PRDM16: variants seen among roughly 807,000 people sequenced by gnomAD.
PRDM16 encodes the protein histone-lysine N-methyltransferase PRDM16.
In PRDM16, 23 loss-of-function variants were observed where a neutral mutation model predicts 110.6. That is an observed-to-expected ratio of 0.21 (90% confidence interval 0.15 to 0.29). The LOEUF is 0.29. Ranked by LOEUF, PRDM16 falls within the 10% of genes least tolerant of loss-of-function variation. The pLI is 1.00. For missense variants in PRDM16, 1,615 were observed against 1,794.3 expected (o/e 0.90, Z 1.81); for synonymous variants, 799 against 781.8 (o/e 1.02, Z -0.37).
At position 3,206,830 on chromosome 1, in the gene PRDM16, G is replaced by C. The variant is rs1248225697; in HGVS notation, c.387+20356G>C. The C allele has an allele frequency of 6.6e-6, 1 of 152,330 alleles. No homozygotes were observed. Among genetic ancestry groups the C allele is most frequent in the Non-Finnish European group, 1.5e-5 (1 of 68,120 alleles). 9.4% of individuals were successfully genotyped at this position (152,330 alleles called of 1,614,324 possible). On this transcript the variant is annotated intron_variant, in intron 2 of 16. Coordinates refer to ENST00000270722, the MANE Select transcript of PRDM16 (RefSeq NM_022114.4). The surrounding 1 kb of genome is among the most constrained non-coding windows in gnomAD (Gnocchi z 4.9). ...GGCTGGTCAAGAATCCGAGTTTTCT[G>C]CAGAGGGAGACACAGCCTGACACCT...
At chr1:3,109,700 G>A (rs1162788746) in intron 1 of PRDM16, among the ~76,000 whole-genome samples, 4 of 152,202 alleles carry the variant, frequency 2.6e-5, no homozygotes, top group East Asian at 1.9e-4. Context: ...TTTCCATCCC[G>A]TCTGTGTGCT....
rs1467074840 is a variant in PRDM16 at position 3,246,877 on chromosome 1, G to C, written c.438+2740G>C. On this transcript the variant is annotated intron_variant, in intron 3 of 16. Coordinates refer to ENST00000270722, the MANE Select transcript of PRDM16 (RefSeq NM_022114.4). This position sits in a 1 kb window ranked among gnomAD's most constrained non-coding sequence, Gnocchi z 5.2. ...ATTCAAAGGCAAAGTCTTCAGACTC[G>C]GGGGCCAGGAAGACCAGGACAGACA... is the stretch of plus-strand genomic sequence containing the variant. Among the ~76,000 whole-genome samples, 3 of 152,126 alleles carry C rather than the reference G, an allele frequency of 2.0e-5. No homozygotes were observed. Among genetic ancestry groups the C allele is most frequent in the African/African-American group, 7.2e-5 (3 of 41,408 alleles).
chr1:3,112,530 C>T (rs1029177795), intron 1 of PRDM16, among the ~76,000 whole-genome samples: 27 of 152,210 alleles, frequency 1.8e-4, no homozygotes, highest in Non-Finnish European at 2.9e-4. Context: ...CCCAGGGCCC[C>T]GCTCAGTGGC....
intron 3 of PRDM16, among the ~76,000 whole-genome samples, chr1:3,269,358 A>G (rs1229747733): frequency 6.7e-6 from 1 of 150,066 alleles, no homozygotes; most frequent in East Asian, 2.0e-4. Context: ...CAGGAGGAGC[A>G]GTCAGGAGGA....
At chr1:3,234,999 A>G (rs1639506371) in intron 2 of PRDM16, among the ~76,000 whole-genome samples, 2 of 152,208 alleles carry the variant, frequency 1.3e-5, no homozygotes, top group South Asian at 4.1e-4. Flanking sequence ...GGTTGGGTCA[A>G]GGTCACCTGC....
chr1:3,145,783 C>G (rs990782597), intron 1 of PRDM16, among the ~76,000 whole-genome samples: 1 of 152,200 alleles, frequency 6.6e-6, no homozygotes, highest in African/African-American at 2.4e-5. Context: ...CCGAGGCTCC[C>G]GATAACCTCA....
chr1:3,395,430 G>A (rs1339199753), intron 4 of PRDM16, among the ~76,000 whole-genome samples: 1 of 152,062 alleles, frequency 6.6e-6, no homozygotes, highest in Non-Finnish European at 1.5e-5. Context: ...GTCTCGCAGG[G>A]GCAGGTGGAT....
chr1:3,328,395 G>A (rs937258216), intron 3 of PRDM16, among the ~76,000 whole-genome samples: 2 of 152,230 alleles, frequency 1.3e-5, no homozygotes, highest in African/African-American at 4.8e-5. Context: ...TGGGCCAGGG[G>A]CTTTGATGAC....
intron 1 of PRDM16, among the ~76,000 whole-genome samples, chr1:3,116,173 G>T (rs912624357): frequency 6.6e-6 from 1 of 152,188 alleles, no homozygotes; most frequent in Non-Finnish European, 1.5e-5. Flanking sequence ...GGTGGCCGTT[G>T]AATTGTTCCT....
At position 3,435,116 on chromosome 1, in the gene PRDM16, C is replaced by G; in HGVS notation, c.*1305C>G. ...CCCCCGGGCCCAGCCGCCTCCCTCT[C>G]TTGGGACGCAACTTCTTCCCCACTC... On this transcript the variant is annotated 3_prime_UTR_variant, in exon 17 of 17. Transcript: ENST00000270722. 1 of 227,510 alleles carries G rather than the reference C, an allele frequency of 4.4e-6. No homozygotes were observed. Among genetic ancestry groups the G allele is most frequent in the East Asian group, 6.3e-5 (1 of 15,902 alleles). The allele number at this position is 227,510 out of a possible 1,614,324, so 14.1% of individuals were successfully genotyped here. A position where few individuals can be genotyped will look rare whatever the true frequency, so the allele number is the denominator to read the frequency against.
chr1:3,393,533 T>C (rs1643330961), intron 4 of PRDM16, among the ~76,000 whole-genome samples: 1 of 152,176 alleles, frequency 6.6e-6, no homozygotes, highest in Non-Finnish European at 1.5e-5. Context: ...TGCAGTACAG[T>C]AAATGCGCAA....
Position 3,171,278 on chromosome 1 carries a change from G to A in PRDM16, c.38-14847G>A, listed in dbSNP as rs529255348. Among the ~76,000 whole-genome samples the A allele has an allele frequency of 7.9e-5, 12 of 152,242 alleles. 1 individual carries two copies. Among genetic ancestry groups the A allele is most frequent in the Admixed American group, 7.2e-4 (11 of 15,288 alleles). Reference sequence around the variant, plus strand: ...GTGGCGGTCGGCTGTTACGGCGCTTGCTCAGCATTTAACCCCTTGTTCCTC... The same window carrying A: ...GTGGCGGTCGGCTGTTACGGCGCTTACTCAGCATTTAACCCCTTGTTCCTC... On this transcript the variant is annotated intron_variant, in intron 1 of 16. Transcript: ENST00000270722.
chr1:3,085,426 G>T (rs1419885791), intron 1 of PRDM16, among the ~76,000 whole-genome samples: 1 of 152,226 alleles, frequency 6.6e-6, no homozygotes, highest in Non-Finnish European at 1.5e-5. Context: ...ACCCTGGGCA[G>T]CAGGGCCCCC....
At chr1:3,367,789 T>TC (rs1416997187) in intron 3 of PRDM16, among the ~76,000 whole-genome samples, 1 of 152,244 alleles carries the variant, frequency 6.6e-6, no homozygotes, top group Non-Finnish European at 1.5e-5. Flanking sequence ...ACACTGATTT[T>TC]CAGTGTTATG....
intron 1 of PRDM16, among the ~76,000 whole-genome samples, chr1:3,092,739 G>A (rs1356287756): frequency 6.6e-6 from 1 of 152,152 alleles, no homozygotes; most frequent in East Asian, 1.9e-4. Context: ...CCACAAGCTG[G>A]GGGCTGATGC....
chr1:3,338,852 G>A (rs1439345982), intron 3 of PRDM16, among the ~76,000 whole-genome samples: 1 of 152,240 alleles, frequency 6.6e-6, no homozygotes, highest in Admixed American at 6.5e-5. Flanking sequence ...GCTGACTGCA[G>A]CAGGCCGAGC....
rs190723143 is a variant in PRDM16 at position 3,382,571 on chromosome 1, G to A, written c.439-2581G>A. 3.3e-5 allele frequency among the ~76,000 whole-genome samples: 5 copies of A among 152,296 alleles called. No homozygotes were observed. Among genetic ancestry groups the A allele is most frequent in the East Asian group, 1.9e-4 (1 of 5,178 alleles). On this transcript the variant is annotated intron_variant, in intron 3 of 16. Coordinates refer to ENST00000270722, the MANE Select transcript of PRDM16 (RefSeq NM_022114.4). The surrounding 1 kb of genome is among the most constrained non-coding windows in gnomAD (Gnocchi z 6.6). ...CACCAAAGCGAGGCTTGAGCCAGCC[G>A]GGGCCCAGAACAGGGGGAAGGTGTT...
intron 3 of PRDM16, among the ~76,000 whole-genome samples, chr1:3,250,340 C>A (rs963921789): frequency 2.6e-5 from 4 of 152,148 alleles, no homozygotes; most frequent in Non-Finnish European, 5.9e-5. Flanking sequence ...TGGGGTAGGG[C>A]GGTCCCGCAG....
At chr1:3,184,404 C>G (rs1011164891) in intron 1 of PRDM16, among the ~76,000 whole-genome samples, 1 of 152,082 alleles carries the variant, frequency 6.6e-6, no homozygotes, top group African/African-American at 2.4e-5. Flanking sequence ...GGGCGGGGGC[C>G]GGGAGGCGAG....
Sources: gnomAD v4.1 joint callset for allele counts (sites outside exome capture counted in the v4.1 genomes callset) on GRCh38, gnomAD v4.1.1 for gene constraint, Gnocchi (gnomAD v3.1) non-coding constraint, MANE v1.5 for transcripts, NCBI Gene and HGNC (gene_info 2026-07-23, HGNC 2026-07-21) for gene names.